GAS2: variants seen among roughly 807,000 people sequenced by gnomAD.
The protein encoded by GAS2 is growth arrest specific 2, also known as growth arrest-specific protein 2.
A neutral mutation model predicts 37.5 loss-of-function variants in GAS2; 20 were observed. That is an observed-to-expected ratio of 0.53 (90% CI 0.37 to 0.77). The LOEUF is 0.77. Among genes scored for constraint, GAS2 ranks in the 30% least tolerant of loss-of-function variants. The pLI, the probability that GAS2 is intolerant of heterozygous loss-of-function variation, is 0.00. For synonymous variants in GAS2, 144 were observed against 132.2 expected, an observed-to-expected ratio of 1.09 and a Z score of -0.61; for missense variants, 336 against 373.4, an observed-to-expected ratio of 0.90 and a Z score of 0.82.
intron 3 of GAS2, among the ~76,000 whole-genome samples, chr11:22,701,189 G>A (rs1850821003): frequency 6.6e-6 from 1 of 152,042 alleles, no homozygotes; most frequent in South Asian, 2.1e-4. Context: ...TTAAACAATA[G>A]GTAACTCAAA....
chr11:22,800,505 A>C (rs1473180115), intron 7 of GAS2, among the ~76,000 whole-genome samples: 1 of 152,086 alleles, frequency 6.6e-6, no homozygotes, highest in East Asian at 1.9e-4. Flanking sequence ...GCTCTGGAGT[A>C]GACGGTGGAC....
chr11:22,741,318 G>A (rs1853066324), intron 5 of GAS2, among the ~76,000 whole-genome samples: 1 of 3,338 alleles, frequency 3.0e-4, no homozygotes, highest in Non-Finnish European at 9.3e-3. Context: ...CTTGTGAAAA[G>A]TAAAACTGTG....
chr11:22,742,851 G>T (rs903532975), intron 5 of GAS2, among the ~76,000 whole-genome samples: 2 of 152,046 alleles, frequency 1.3e-5, no homozygotes, highest in African/African-American at 4.8e-5. Flanking sequence ...AAGGTGGCAT[G>T]AATCCACCTA....
At chr11:22,656,346 C>T (rs1033878946) in intron 1 of GAS2, among the ~76,000 whole-genome samples, 1 of 152,160 alleles carries the variant, frequency 6.6e-6, no homozygotes, top group African/African-American at 2.4e-5. Flanking sequence ...ACATGACAGA[C>T]ACCAACACCA....
At chr11:22,653,039 T>TTCTTTCTTTCTTTCTCTC (rs1590575356) in intron 1 of GAS2, among the ~76,000 whole-genome samples, 1 of 139,858 alleles carries the variant, frequency 7.2e-6, no homozygotes, top group Non-Finnish European at 1.6e-5. Context: ...TTCTTTCTCT[T>TTCTTTCTTTCTTTCTCTC]TCTTTCTTTC....
chr11:22,716,935 A>G (rs1453907906), intron 3 of GAS2, among the ~76,000 whole-genome samples: 1 of 152,154 alleles, frequency 6.6e-6, no homozygotes, highest in Non-Finnish European at 1.5e-5. Flanking sequence ...CAATATACCT[A>G]TCCAAAGAAG....
At chr11:22,737,314 C>G in intron 4 of GAS2, among the ~76,000 whole-genome samples, 1 of 152,038 alleles carries the variant, frequency 6.6e-6, no homozygotes, top group Admixed American at 6.5e-5. Flanking sequence ...CTAGCCCTTG[C>G]TCCATAGTTG....
intron 1 of GAS2, among the ~76,000 whole-genome samples, chr11:22,673,129 T>C (rs768804547): frequency 1.3e-5 from 2 of 152,194 alleles, no homozygotes; most frequent in Non-Finnish European, 2.9e-5. Flanking sequence ...ACTATATTTA[T>C]GATACCTTTT....
intron 7 of GAS2, among the ~76,000 whole-genome samples, chr11:22,790,052 G>A (rs1011418036): frequency 1.8e-4 from 28 of 152,252 alleles, no homozygotes; most frequent in African/African-American, 6.7e-4. Context: ...TCTGTTAAAT[G>A]GGTTATGTGT....
At chr11:22,692,183 A>G (rs751443193) in intron 3 of GAS2, among the ~76,000 whole-genome samples, 16 of 152,184 alleles carry the variant, frequency 1.1e-4, no homozygotes, top group Non-Finnish European at 1.3e-4. Flanking sequence ...GAAAGCAGCA[A>G]TGTGAAAAAT....
chr11:22,666,962 C>G (rs560159105), intron 1 of GAS2, 63 bp downstream of exon 1: 1 of 152,338 alleles, frequency 6.6e-6, no homozygotes, highest in Admixed American at 6.5e-5. Flanking sequence ...GCACCGCAGC[C>G]GGGGCTCACG....
upstream of GAS2, among the ~76,000 whole-genome samples, chr11:22,662,065 T>C (rs1056453699): frequency 6.6e-6 from 1 of 152,234 alleles, no homozygotes; most frequent in Non-Finnish European, 1.5e-5. Flanking sequence ...ATAATGTATT[T>C]CATATTGTGG....
intron 7 of GAS2, among the ~76,000 whole-genome samples, chr11:22,788,654 A>T (rs1252208085): frequency 1.3e-5 from 2 of 152,196 alleles, no homozygotes; most frequent in Non-Finnish European, 1.5e-5. Flanking sequence ...AGCTTATGTG[A>T]TGCTTCATGA....
intron 5 of GAS2, among the ~76,000 whole-genome samples, chr11:22,744,433 C>A (rs180767965): frequency 2.5e-4 from 38 of 152,034 alleles, no homozygotes; most frequent in Middle Eastern, 6.8e-3. Context: ...AACAGCACAT[C>A]GAAAAGTTAA....
chr11:22,632,041 T>C (rs1298395200), intron 1 of GAS2, among the ~76,000 whole-genome samples: 5 of 151,572 alleles, frequency 3.3e-5, no homozygotes, highest in African/African-American at 1.2e-4. Context: ...TCTTCATGAT[T>C]CAATCTAGGA....
At chr11:22,641,982 T>TA (rs1176592657) in intron 1 of GAS2, among the ~76,000 whole-genome samples, 2 of 152,206 alleles carry the variant, frequency 1.3e-5, no homozygotes, top group African/African-American at 4.8e-5. Context: ...AAGCATTTCT[T>TA]ACAGTGTGGG....
intron 7 of GAS2, among the ~76,000 whole-genome samples, chr11:22,785,051 C>A (rs374036925): frequency 9.9e-5 from 15 of 152,234 alleles, no homozygotes; most frequent in African/African-American, 3.4e-4. Flanking sequence ...GTTCCTCCAT[C>A]ACACTAGACA....
chr11:22,710,519 G>GTA lies in GAS2; in HGVS notation c.268-15759_268-15758dup, dbSNP rs71037522. Among the ~76,000 whole-genome samples the GTA allele has an allele frequency of 1.6e-3, 229 of 147,524 alleles. 1 individual carries two copies. Among genetic ancestry groups the GTA allele is most frequent in the African/African-American group, 5.0e-3 (203 of 40,370 alleles). On this transcript the variant is annotated intron_variant, in intron 3 of 7. Transcript: ENST00000454584. ...TGTGTGTGTCTGTGTGTGTCTGTGT[G>GTA]TATATATATATATATGTTTCTTACT... is the stretch of plus-strand genomic sequence containing the variant.
intron 2 of GAS2, among the ~76,000 whole-genome samples, chr11:22,677,879 GT>G (rs1402190761): frequency 6.6e-6 from 1 of 152,154 alleles, no homozygotes; most frequent in Non-Finnish European, 1.5e-5. Flanking sequence ...AAAAGTCTGA[GT>G]TTTAGGAAAT....
Sources: allele counts gnomAD v4.1 joint callset (sites outside exome capture counted in the v4.1 genomes callset), GRCh38; gene constraint gnomAD v4.1.1; transcripts MANE v1.5; gene names NCBI Gene and HGNC (gene_info 2026-07-23, HGNC 2026-07-21).